The following RNF122 variants were observed in gnomAD, a reference collection of about 807,000 sequenced individuals.
RNF122 encodes the protein ring finger protein 122.
In RNF122, 17 loss-of-function variants were observed where a neutral mutation model predicts 24.2. That is an observed-to-expected ratio of 0.70 (90% confidence interval 0.48 to 1.06). The LOEUF is 1.06. RNF122 is among the 50% of genes least tolerant of loss of function. The pLI is 0.00. For synonymous variants in RNF122, 65 were observed against 71.8 expected, an observed-to-expected ratio of 0.91 and a Z score of 0.48; for missense variants, 168 against 198.1, an observed-to-expected ratio of 0.85 and a Z score of 0.91.
chr8:33,548,809 C>T lies in RNF122; in HGVS notation c.412G>A (p.Ala138Thr). The T allele has an allele frequency of 6.2e-7, 1 of 1,614,038 alleles. No individual in the cohort carries two copies. Among genetic ancestry groups the T allele is most frequent in the South Asian group, 1.1e-5 (1 of 91,064 alleles). ...TTCTGCGTGGCCTCTGAGGGACTAG[C>T]AATGGGCTTGTTACACATGGGGCAG... Reference protein sequence around the residue: ...CVCPMCNKPIASPSEATQNIG... With the variant: ...CVCPMCNKPITSPSEATQNIG... The change falls in exon 6 of 6, where the codon GCT (alanine) becomes ACT (threonine). Residue 138 changes from alanine (A) to threonine (T), a missense_variant. Transcript: ENST00000256257.
At chr8:33,560,381 T>C (rs1810522348) in intron 1 of RNF122, among the ~76,000 whole-genome samples, 1 of 152,026 alleles carries the variant, frequency 6.6e-6, no homozygotes, top group Non-Finnish European at 1.5e-5. Context: ...ACTTTGCTTG[T>C]TTGTTTTTGG....
intron 2 of RNF122, 107 bp from the exon 3 acceptor site, chr8:33,551,496 C>T: frequency 2.7e-6 from 3 of 1,100,658 alleles, no homozygotes; most frequent in East Asian, 2.4e-5. Context: ...GGGAGGGGTG[C>T]TTGTCCCATA....
At chr8:33,549,237 A>G (rs903319441) in intron 5 of RNF122, among the ~76,000 whole-genome samples, 173 bp downstream of exon 5, 1 of 152,018 alleles carries the variant, frequency 6.6e-6, no homozygotes, top group African/African-American at 2.4e-5. Context: ...AAAAAGAAGA[A>G]TATCCCTACC....
intron 2 of RNF122, 130 bp downstream of exon 2, chr8:33,558,485 T>C (rs116970247): frequency 0.024 from 14,576 of 607,252 alleles, 221 homozygotes; most frequent in Non-Finnish European, 0.031. Context: ...GGCTCAGCCG[T>C]GTCCTCAAAG....
intron 2 of RNF122, among the ~76,000 whole-genome samples, chr8:33,556,179 C>CAAAAAAAAAAAAAAAA (rs538829399): frequency 2.9e-5 from 1 of 33,976 alleles, no homozygotes; most frequent in African/African-American, 1.0e-4. Context: ...GACCCTGTCT[C>CAAAAAAAAAAAAAAAA]AAAAAAAAAA....
At chr8:33,559,122 G>C (rs567368781) in intron 1 of RNF122, among the ~76,000 whole-genome samples, 1 of 151,836 alleles carries the variant, frequency 6.6e-6, no homozygotes, top group East Asian at 1.9e-4. Context: ...GCCAACATAA[G>C]ACCCCATCTC....
At chr8:33,550,062 T>C (rs1047846617) in intron 4 of RNF122, among the ~76,000 whole-genome samples, 8 of 152,094 alleles carry the variant, frequency 5.3e-5, no homozygotes, top group African/African-American at 1.4e-4. Context: ...GCCTCCCAAG[T>C]AACTGGGATT....
At chr8:33,551,835 AGAACATAAGTATTCTG>A (rs1244508307) in intron 2 of RNF122, among the ~76,000 whole-genome samples, 11 of 152,242 alleles carry the variant, frequency 7.2e-5, no homozygotes, top group African/African-American at 2.6e-4. Context: ...TTCCACCCGG[AGAACATAAGTATTCTG>A]GAACCAAAGC....
rs1810368962 is a variant in RNF122 at position 33,551,169 on chromosome 8, C to T, written c.229-84G>A. ...GTAGTATCAACCAATGAAGGGAGTC[C>T]CCTGGACTGCCTGGGGCAAGCCGGA... On this transcript the variant is annotated intron_variant, in intron 3 of 5. Coordinates refer to ENST00000256257, the MANE Select transcript of RNF122 (RefSeq NM_024787.3). The T allele has an allele frequency of 3.0e-5, 46 of 1,534,278 alleles. No homozygotes were observed. The South Asian group carries it at 4.9e-4, about 16-fold the overall frequency.
Sources: gnomAD v4.1 joint callset for allele counts (sites outside exome capture counted in the v4.1 genomes callset) on GRCh38, gnomAD v4.1.1 for gene constraint, MANE v1.5 for transcripts, NCBI Gene and HGNC (gene_info 2026-07-23, HGNC 2026-07-21) for gene names.